ALPK2: variants seen among roughly 807,000 people sequenced by gnomAD.
ALPK2 encodes the protein alpha-protein kinase 2.
A neutral mutation model predicts 163.1 loss-of-function variants in ALPK2; 127 were observed. The observed-to-expected ratio is 0.78, with a 90% CI of 0.67 to 0.90. The LOEUF is 0.90. ALPK2 is among the 40% of genes least tolerant of loss of function. The probability of loss-of-function intolerance (pLI) is 0.00; values close to 1 mark genes in which losing one functional copy is unlikely to be tolerated. For missense variants in ALPK2, 2,360 were observed against 2,589.6 expected, an observed-to-expected ratio of 0.91 and a Z score of 1.92; for synonymous variants, 953 against 959.1, an observed-to-expected ratio of 0.99 and a Z score of 0.12.
intron 12 of ALPK2, among the ~76,000 whole-genome samples, chr18:58,484,350 A>G (rs1278910849): frequency 2.0e-5 from 3 of 152,176 alleles, no homozygotes; most frequent in Admixed American, 1.3e-4. Context: ...ACATTGACTC[A>G]TGTTGTCCAG....
rs2051635449 is a variant in ALPK2 at position 58,534,974 on chromosome 18, A to G, written c.5213T>C (p.Leu1738Pro). Reference protein sequence around the residue: ...KKKILSRVAALRLKLEEKENI... With the variant: ...KKKILSRVAAPRLKLEEKENI... ...TTCCTTTTCTTCCAGTTTCAGCCTC[A>G]GTGCTGCCACCCTGGACAAAATTTT... Residue 1738 changes from leucine to proline, a missense_variant, in exon 5 of 13, where the codon CTG (leucine) becomes CCG (proline). Leu to Pro is a moderately conservative substitution (Grantham distance 98, BLOSUM62 -3). Transcript: ENST00000361673. 6.2e-7 allele frequency: 1 copy of G among 1,614,170 alleles called. No individual in the cohort carries two copies. The highest frequency in any genetic ancestry group is 8.5e-7 in the Non-Finnish European group (1 of 1,180,018).
At chr18:58,555,488 C>T (rs1183773073) in intron 4 of ALPK2, among the ~76,000 whole-genome samples, 1 of 152,198 alleles carries the variant, frequency 6.6e-6, no homozygotes, top group Non-Finnish European at 1.5e-5. Flanking sequence ...TTGTTCCAAG[C>T]TGTCCGAAGG....
chr18:58,490,929 A>G (rs1186164011), intron 12 of ALPK2, among the ~76,000 whole-genome samples: 1 of 152,228 alleles, frequency 6.6e-6, no homozygotes, highest in Non-Finnish European at 1.5e-5. Flanking sequence ...ATGAATATGC[A>G]GGAAGCACAC....
chr18:58,627,878 C>T (rs1040923946), intron 1 of ALPK2, among the ~76,000 whole-genome samples: 3 of 152,184 alleles, frequency 2.0e-5, no homozygotes, highest in Admixed American at 1.3e-4. Context: ...AGTTATAAAA[C>T]ATATCACATA....
Position 58,535,055 on chromosome 18 carries a change from ACCT to A in ALPK2, c.5129_5131del (p.Glu1710del). 2 of 1,612,804 alleles carry A rather than the reference ACCT, an allele frequency of 1.2e-6. No homozygotes were observed. The highest frequency in any genetic ancestry group is 1.1e-5 in the South Asian group (1 of 90,962). ...GCCTGGGGCTTCTGGCTTCCTCTTG[ACCT>A]CCTCTGACCCCGTCACTGCTGTGAG... On this transcript the variant is annotated inframe_deletion, in exon 5 of 13. Coordinates refer to ENST00000361673, the MANE Select transcript of ALPK2 (RefSeq NM_052947.4).
At chr18:58,492,249 GAAAC>G (rs1304778013) in intron 12 of ALPK2, among the ~76,000 whole-genome samples, 2 of 151,764 alleles carry the variant, frequency 1.3e-5, no homozygotes, top group African/African-American at 2.4e-5. Flanking sequence ...CACAGACACA[GAAAC>G]AAAGACAAAG....
intron 3 of ALPK2, among the ~76,000 whole-genome samples, chr18:58,584,826 T>C (rs1324088983): frequency 1.3e-5 from 2 of 152,178 alleles, no homozygotes; most frequent in South Asian, 2.1e-4. Flanking sequence ...GGGACTCCAA[T>C]GGTAGCAGTT....
intron 4 of ALPK2, among the ~76,000 whole-genome samples, chr18:58,569,811 A>C (rs1470011413): frequency 6.6e-6 from 1 of 152,142 alleles, no homozygotes; most frequent in Non-Finnish European, 1.5e-5. Context: ...TGCTGGCCAC[A>C]CTCTAAGAGA....
intron 4 of ALPK2, among the ~76,000 whole-genome samples, chr18:58,550,515 T>TCCCCATCTCTATCACCTACAA (rs2051750539): frequency 6.6e-6 from 1 of 151,308 alleles, no homozygotes; most frequent in Admixed American, 6.6e-5. Flanking sequence ...TACAACCCCA[T>TCCCCATCTCTATCACCTACAA]CCCCATCTCC....
chr18:58,565,277 GA>G (rs2051845686), intron 4 of ALPK2, among the ~76,000 whole-genome samples: 2 of 152,218 alleles, frequency 1.3e-5, no homozygotes, highest in South Asian at 4.1e-4. Flanking sequence ...ATTGAGAAGT[GA>G]AACTGCTGCA....
rs778803253 is a variant in ALPK2 at position 58,580,346 on chromosome 18, C to G, written c.430G>C (p.Glu144Gln). ...CTTTCTTCTTCCTTATAAGGATGTT[C>G]CTTCTCATCAATCTGATTTGCCCTT... ...EERANQIDEK[E>Q]HPYKEEESIS... Residue 144 changes from glutamate to glutamine, a missense_variant, in exon 4 of 13, where the codon GAA (glutamate) becomes CAA (glutamine). Transcript: ENST00000361673. 6.2e-7 allele frequency: 1 copy of G among 1,614,096 alleles called. No homozygotes were observed. Among genetic ancestry groups the G allele is most frequent in the South Asian group, 1.1e-5 (1 of 91,074 alleles).
intron 6 of ALPK2, among the ~76,000 whole-genome samples, chr18:58,524,732 G>C (rs2051575310): frequency 6.6e-6 from 1 of 152,136 alleles, no homozygotes; most frequent in African/African-American, 2.4e-5. Flanking sequence ...TCAATTTCAT[G>C]ATGCCCTCAG....
intron 3 of ALPK2, among the ~76,000 whole-genome samples, 190 bp downstream of exon 3, chr18:58,607,132 T>A (rs1033656706): frequency 6.6e-6 from 1 of 152,212 alleles, no homozygotes; most frequent in East Asian, 1.9e-4. Flanking sequence ...TAGGGGAATA[T>A]AATTAGTTAC....
chr18:58,559,182 C>T (rs1426872968), intron 4 of ALPK2, among the ~76,000 whole-genome samples: 4 of 152,166 alleles, frequency 2.6e-5, no homozygotes, highest in African/African-American at 9.7e-5. Context: ...TTGCCCCCAT[C>T]CCCACCCCAT....
chr18:58,481,901 A>G lies in ALPK2; in HGVS notation c.6435T>C (p.Ile2145=), dbSNP rs546545381. 8 of 1,614,056 alleles carry G rather than the reference A, an allele frequency of 5.0e-6. No homozygotes were observed. The African/African-American group carries it at 9.3e-5, about 19-fold the overall frequency. ...AGTTTGTTTGAACTTTGCTTTTCCC[A>G]ATGCTCGGCTGCTTCTGTTTCTGGT... ...NNNQKQKQPS[I]GKSKVQTNSM... Residue 2145 remains isoleucine, a synonymous_variant, in exon 13 of 13, where the codon ATT becomes ATC. Coordinates refer to ENST00000361673, the MANE Select transcript of ALPK2 (RefSeq NM_052947.4).
chr18:58,533,247 T>C (rs1352174079), intron 5 of ALPK2, among the ~76,000 whole-genome samples: 2 of 152,168 alleles, frequency 1.3e-5, no homozygotes, highest in Non-Finnish European at 2.9e-5. Flanking sequence ...ACTGCCTATC[T>C]GGACAGTCCT....
intron 4 of ALPK2, among the ~76,000 whole-genome samples, chr18:58,572,287 C>A (rs1158701604): frequency 2.6e-5 from 4 of 152,132 alleles, no homozygotes; most frequent in Non-Finnish European, 4.4e-5. Flanking sequence ...GGCCCTCATA[C>A]ATTGCTGATG....
chr18:58,573,312 A>G (rs1403519092), intron 4 of ALPK2, among the ~76,000 whole-genome samples: 16 of 132,412 alleles, frequency 1.2e-4, no homozygotes, highest in East Asian at 4.1e-4. Flanking sequence ...GTGTATATAT[A>G]TGTGTGTATA....
At chr18:58,625,200 GC>G (rs1371951963) in intron 1 of ALPK2, among the ~76,000 whole-genome samples, 1 of 141,060 alleles carries the variant, frequency 7.1e-6, no homozygotes, top group Non-Finnish European at 1.5e-5. Flanking sequence ...AAAAAAAAAA[GC>G]CCCCTAAAAA....
Sources: allele counts gnomAD v4.1 joint callset (sites outside exome capture counted in the v4.1 genomes callset), GRCh38; gene constraint gnomAD v4.1.1; transcripts MANE v1.5; gene names NCBI Gene and HGNC (gene_info 2026-07-23, HGNC 2026-07-21).